The following ATXN7 variants were observed in gnomAD, a reference collection of about 807,000 sequenced individuals.
ATXN7 encodes the protein ataxin-7.
A neutral mutation model predicts 70.5 loss-of-function variants in ATXN7; 12 were observed. The ratio of observed to expected loss-of-function variants is 0.17; its 90% CI spans 0.11 to 0.28. The LOEUF is 0.28. Among genes scored for constraint, ATXN7 ranks in the 10% least tolerant of loss-of-function variants. ATXN7 has a pLI of 1.00. For missense variants in ATXN7, 1,256 were observed against 1,131.7 expected (o/e 1.11, Z -1.58); for synonymous variants, 498 against 448.7 (o/e 1.11, Z -1.39).
At chr3:63,876,736 C>T (rs533627696) in intron 1 of ATXN7, among the ~76,000 whole-genome samples, 60 of 152,102 alleles carry the variant, frequency 3.9e-4, no homozygotes, top group Non-Finnish European at 6.8e-4. Context: ...ATGAGTAGCT[C>T]TCTTTTCCAT....
intron 4 of ATXN7, among the ~76,000 whole-genome samples, chr3:63,929,253 TTC>T (rs1306394597): frequency 1.3e-4 from 20 of 151,064 alleles, no homozygotes; most frequent in African/African-American, 4.1e-4. Flanking sequence ...CTAGGAAGCT[TTC>T]TCTCTCTCTC....
At chr3:63,883,315 A>G (rs1400983484) in intron 1 of ATXN7, among the ~76,000 whole-genome samples, 1 of 152,240 alleles carries the variant, frequency 6.6e-6, no homozygotes, top group Non-Finnish European at 1.5e-5. Flanking sequence ...AAAAAGTCTG[A>G]GGTCACCAGA....
chr3:63,965,206 C>A (rs570813507), intron 5 of ATXN7, among the ~76,000 whole-genome samples: 1 of 152,290 alleles, frequency 6.6e-6, no homozygotes, highest in African/African-American at 2.4e-5. Flanking sequence ...ATCATAATAG[C>A]TAACATTTGC....
rs557434936 is a variant in ATXN7, at chr3:63,990,579, G to A, written c.1561-159G>A. 5 of 1,278,134 alleles carry A rather than the reference G, an allele frequency of 3.9e-6. No individual in the cohort carries two copies. The East Asian group carries it at 7.0e-5, about 18-fold the overall frequency. 79.2% of individuals were successfully genotyped at this position (1,278,134 alleles called of 1,614,324 possible). A position where few individuals can be genotyped will look rare whatever the true frequency, so the allele number is the denominator to read the frequency against. On this transcript the variant is annotated intron_variant, in intron 10 of 12. Coordinates refer to ENST00000674280, the MANE Select transcript of ATXN7 (RefSeq NM_001377405.1). ...CTTTTTTCCCTTTCTCTTCCATGAC[G>A]CTCAGGGCTAGGCATTGTCACTCTC...
chr3:63,904,852 A>G (rs1445082043), intron 2 of ATXN7: 1 of 152,166 alleles, frequency 6.6e-6, no homozygotes, highest in African/African-American at 2.4e-5. Context: ...CCTGCCAGCA[A>G]TGTATGAGGA....
intron 5 of ATXN7, among the ~76,000 whole-genome samples, chr3:63,957,497 A>G (rs1043956523): frequency 2.0e-5 from 3 of 152,232 alleles, no homozygotes; most frequent in Admixed American, 6.5e-5. Flanking sequence ...AAATCAATTT[A>G]CAAGGAAAAT....
chr3:63,866,875 G>A (rs1194490775), intron 1 of ATXN7: 1 of 151,756 alleles, frequency 6.6e-6, no homozygotes. Flanking sequence ...AGAAATGGAA[G>A]TAGCAGATTT....
chr3:63,921,694 C>T (rs1249018730), intron 4 of ATXN7, among the ~76,000 whole-genome samples: 1 of 152,032 alleles, frequency 6.6e-6, no homozygotes. Flanking sequence ...AACCCCAGTT[C>T]TAGAATTAAG....
rs1433326879 is a variant in ATXN7 at position 63,980,773 on chromosome 3, A to T, written c.752+606A>T. 5.2e-5 allele frequency: 8 copies of T among 153,018 alleles called. No homozygotes were observed. The East Asian group carries it at 1.5e-3, about 29-fold the overall frequency. The allele number at this position is 153,018 out of a possible 1,614,324, so 9.5% of individuals were successfully genotyped here. A position where few individuals can be genotyped will look rare whatever the true frequency, so the allele number is the denominator to read the frequency against. Reference sequence around the variant, plus strand: ...TGTGGATAATAGTAATGATAAAAAGATGCAGAGATTCCCAGATGCTGCTGT... The same window carrying T: ...TGTGGATAATAGTAATGATAAAAAGTTGCAGAGATTCCCAGATGCTGCTGT... On this transcript the variant is annotated intron_variant, in intron 6 of 12. Coordinates refer to ENST00000674280, the MANE Select transcript of ATXN7 (RefSeq NM_001377405.1).
Position 63,982,328 on chromosome 3 carries a change from A to G in ATXN7, c.895A>G (p.Thr299Ala), listed in dbSNP as rs757907847. ...TAACTGCCCCTCAATACCAAAGCCA[A>G]CCTTGCCTTCACCTGGACAGATTCT... ...GLNCPSIPKP[T>A]LPSPGQILNG... The change falls in exon 7 of 13, where the codon ACC (threonine) becomes GCC (alanine). Residue 299 changes from threonine (T) to alanine (A), a missense_variant. Thr to Ala is a moderately conservative substitution (Grantham distance 58). Coordinates refer to ENST00000674280, the MANE Select transcript of ATXN7 (RefSeq NM_001377405.1). 1.2e-6 allele frequency: 2 copies of G among 1,614,134 alleles called. No homozygotes were observed. The highest frequency in any genetic ancestry group is 1.7e-6 in the Non-Finnish European group (2 of 1,180,000).
intron 4 of ATXN7, among the ~76,000 whole-genome samples, chr3:63,931,099 T>TTTTGTTTG (rs538562459): frequency 3.3e-5 from 5 of 151,866 alleles, no homozygotes; most frequent in Middle Eastern, 3.4e-3. Context: ...ACAGTAGAAG[T>TTTTGTTTG]TTTGTTTGTT....
chr3:63,915,436 GCACT>G (rs965297918), intron 4 of ATXN7, among the ~76,000 whole-genome samples: 2 of 152,328 alleles, frequency 1.3e-5, no homozygotes, highest in East Asian at 3.9e-4. Flanking sequence ...AGGATGTTCA[GCACT>G]CACTCAGTGG....
At chr3:63,971,414 TAA>T (rs2075310859) in intron 5 of ATXN7, among the ~76,000 whole-genome samples, 1 of 152,136 alleles carries the variant, frequency 6.6e-6, no homozygotes, top group African/African-American at 2.4e-5. Context: ...CTGGGGAACA[TAA>T]AGAAATTGGA....
chr3:63,991,285 TC>T (rs111375804), intron 11 of ATXN7, among the ~76,000 whole-genome samples: 1 of 89,262 alleles, frequency 1.1e-5, no homozygotes. Context: ...GATTATACCC[TC>T]CCCCCACCCC....
intron 4 of ATXN7, among the ~76,000 whole-genome samples, chr3:63,934,277 T>C (rs1034646405): frequency 1.3e-5 from 2 of 152,144 alleles, no homozygotes; most frequent in African/African-American, 4.8e-5. Context: ...GAGTCTGGCC[T>C]CTTTGGCGCA....
At chr3:63,957,413 A>G (rs17069531) in intron 5 of ATXN7, among the ~76,000 whole-genome samples, 3,016 of 152,288 alleles carry the variant, frequency 0.02, 108 homozygotes, top group African/African-American at 0.066. Context: ...ACCTTAATCA[A>G]GTGCTGGTTT....
At chr3:63,937,474 T>G (rs1299864136) in intron 4 of ATXN7, among the ~76,000 whole-genome samples, 1 of 152,198 alleles carries the variant, frequency 6.6e-6, no homozygotes, top group Non-Finnish European at 1.5e-5. Flanking sequence ...CACCATAGTT[T>G]GGGGTAATAG....
chr3:63,970,558 T>G (rs1051294297), intron 5 of ATXN7, among the ~76,000 whole-genome samples: 1 of 152,184 alleles, frequency 6.6e-6, no homozygotes, highest in Admixed American at 6.6e-5. Context: ...AAGCAACAAG[T>G]TAGGCAGGGA....
chr3:63,912,447 C>A, intron 2 of ATXN7, 141 bp from the exon 3 acceptor site: 1 of 377,842 alleles, frequency 2.6e-6, no homozygotes, highest in Non-Finnish European at 3.7e-6. Context: ...GAGGCGGGCT[C>A]GGGGGGCTGG....
Sources: gnomAD v4.1 joint callset for allele counts (sites outside exome capture counted in the v4.1 genomes callset) on GRCh38, gnomAD v4.1.1 for gene constraint, MANE v1.5 for transcripts, NCBI Gene and HGNC (gene_info 2026-07-23, HGNC 2026-07-21) for gene names.